LRATD1: variants seen among roughly 807,000 people sequenced by gnomAD.
LRATD1 encodes protein LRATD1.
LRATD1 carries 8 observed loss-of-function variants against 21.3 expected under a neutral mutation model. The ratio of observed to expected loss-of-function variants is 0.38; its 90% CI spans 0.22 to 0.68. The LOEUF (loss-of-function observed/expected upper bound fraction) is 0.68. LRATD1 is among the 30% of genes least tolerant of loss of function. LRATD1 has a pLI of 0.54. For missense variants in LRATD1, 380 were observed against 404.0 expected, an observed-to-expected ratio of 0.94 and a Z score of 0.51; for synonymous variants, 210 against 186.2, an observed-to-expected ratio of 1.13 and a Z score of -1.04.
In LRATD1 at chr2:14,635,865, A is replaced by G. The variant is rs1671678416; in HGVS notation, c.*1007A>G. 8.8e-6 allele frequency: 3 copies of G among 341,866 alleles called. No individual in the cohort carries two copies. Among genetic ancestry groups the G allele is most frequent in the Non-Finnish European group, 1.8e-5 (3 of 163,978 alleles). 21.2% of individuals were successfully genotyped at this position (341,866 alleles called of 1,614,324 possible). ...GCATTGTTACAACACCATAGCCAGTATATTTAGTTTGGCTTTTCCTAACAT... is the reference window on the plus strand; with the variant it reads ...GCATTGTTACAACACCATAGCCAGTGTATTTAGTTTGGCTTTTCCTAACAT... On this transcript the variant is annotated 3_prime_UTR_variant, in exon 2 of 2. Coordinates refer to ENST00000295092, the MANE Select transcript of LRATD1 (RefSeq NM_145175.4).
Position 14,634,707 on chromosome 2 carries a change from A to G in LRATD1, c.728A>G (p.Tyr243Cys). 1 of 1,555,258 alleles carries G rather than the reference A, an allele frequency of 6.4e-7. No individual in the cohort carries two copies. Among genetic ancestry groups the G allele is most frequent in the Non-Finnish European group, 8.7e-7 (1 of 1,148,068 alleles). The change falls in exon 2 of 2, where the codon TAC becomes TGC. Residue 243 changes from tyrosine (Y) to cysteine (C), a missense_variant. Physicochemically the swap from Tyr to Cys is radical, Grantham distance 194. Transcript: ENST00000295092. ...GGCACGCAGCCCCCGCAGCAGCAGT[A>G]CTATCTCAAGGTGCACCTGGGAGAG... ...PAGTQPPQQQ[Y>C]YLKVHLGENK...
downstream of LRATD1, among the ~76,000 whole-genome samples, chr2:14,644,036 G>T (rs1322435565): frequency 1.3e-5 from 2 of 151,988 alleles, no homozygotes; most frequent in South Asian, 2.1e-4. Context: ...GTTGTATTTT[G>T]AAATTAATGT....
chr2:14,648,649 A>G lies in LRATD1; in HGVS notation n.437-667A>G, dbSNP rs532762356. On this transcript the variant is annotated intron_variant and non_coding_transcript_variant, in intron 4 of 5. Coordinates refer to the LRATD1 transcript ENST00000464947. ...ATAAGAATTAGAGGAGAAAAGCCAA[A>G]ATGGTAGAATTGTGAAAATGGTTTT... Among the ~76,000 whole-genome samples, 64 of 152,290 alleles carry G rather than the reference A, an allele frequency of 4.2e-4. 1 individual carries two copies. The highest frequency in any genetic ancestry group is 3.9e-3 in the South Asian group (19 of 4,826).
Position 14,639,596 on chromosome 2 carries a change from G to A in LRATD1, c.*4738G>A, listed in dbSNP as rs950198019. 6.0e-6 allele frequency: 1 copy of A among 167,098 alleles called. No individual in the cohort carries two copies. The highest frequency in any genetic ancestry group is 2.4e-5 in the African/African-American group (1 of 41,462). The allele number at this position is 167,098 out of a possible 1,614,324, so 10.4% of individuals were successfully genotyped here. On this transcript the variant is annotated 3_prime_UTR_variant, in exon 2 of 2. Coordinates refer to ENST00000295092, the MANE Select transcript of LRATD1 (RefSeq NM_145175.4). Reference sequence around the variant, plus strand: ...TGAACTCGAAATAGAAGAGGTTTAAGTATTTGAATAAGTTGGGAAAAAAAG... The same window carrying A: ...TGAACTCGAAATAGAAGAGGTTTAAATATTTGAATAAGTTGGGAAAAAAAG...
chr2:14,636,333 A>G lies in LRATD1; in HGVS notation c.*1475A>G, dbSNP rs1430663855. ...ATGTTTATTTTTTTCTCCATGTTGT[A>G]TATCATTACCATTTCACATACGCGT... On this transcript the variant is annotated 3_prime_UTR_variant, in exon 2 of 2. Coordinates refer to ENST00000295092, the MANE Select transcript of LRATD1 (RefSeq NM_145175.4). 6.0e-6 allele frequency: 1 copy of G among 167,104 alleles called. No homozygotes were observed. Among genetic ancestry groups the G allele is most frequent in the East Asian group, 1.9e-4 (1 of 5,196 alleles). The allele number at this position is 167,104 out of a possible 1,614,324, so 10.4% of individuals were successfully genotyped here. A position where few individuals can be genotyped will look rare whatever the true frequency, so the allele number is the denominator to read the frequency against.
chr2:14,635,225 C>T lies in LRATD1; in HGVS notation c.*367C>T, dbSNP rs1483860497. On this transcript the variant is annotated 3_prime_UTR_variant, in exon 2 of 2. Transcript: ENST00000295092. ...TCCATGGCCAGTGACTGTGGCCCGA[C>T]TCGAAAACAACCCTCTTCTCAAAAG... is the stretch of plus-strand genomic sequence containing the variant. The T allele has an allele frequency of 1.1e-5, 6 of 563,746 alleles. 1 individual carries two copies. Among genetic ancestry groups the T allele is most frequent in the South Asian group, 4.6e-5 (3 of 65,382 alleles). 34.9% of individuals were successfully genotyped at this position (563,746 alleles called of 1,614,324 possible).
rs1254075259 is a variant in LRATD1 at position 14,634,164 on chromosome 2, C to G, written c.185C>G (p.Thr62Ser). ...KFGVKAPPGC[T>S]PCPESPSRHH... Reference sequence around the variant, plus strand: ...GGCGTGAAGGCCCCCCCGGGTTGCACCCCCTGCCCGGAGAGCCCCAGCCGC... The same window carrying G: ...GGCGTGAAGGCCCCCCCGGGTTGCAGCCCCTGCCCGGAGAGCCCCAGCCGC... The change falls in exon 2 of 2, where the codon ACC becomes AGC. Residue 62 changes from threonine (T) to serine (S), a missense_variant. Coordinates refer to ENST00000295092, the MANE Select transcript of LRATD1 (RefSeq NM_145175.4). 6.2e-7 allele frequency: 1 copy of G among 1,613,644 alleles called. No homozygotes were observed. Among genetic ancestry groups the G allele is most frequent in the Non-Finnish European group, 8.5e-7 (1 of 1,179,948 alleles).
intron 4 of LRATD1, among the ~76,000 whole-genome samples, chr2:14,647,124 G>A (rs975360887): frequency 3.9e-5 from 6 of 152,178 alleles, no homozygotes; most frequent in Non-Finnish European, 8.8e-5. Context: ...GGATGAAGCT[G>A]ACTAAATGTC....
downstream of LRATD1, among the ~76,000 whole-genome samples, chr2:14,651,767 T>G (rs777769218): frequency 2.0e-5 from 3 of 152,032 alleles, no homozygotes; most frequent in Admixed American, 2.0e-4. Flanking sequence ...TAAATATTAA[T>G]AATGTATTTT....
rs750822633 is a variant in LRATD1 at position 14,634,060 on chromosome 2, C to T, written c.81C>T (p.Asp27=). The T allele has an allele frequency of 4.3e-6, 7 of 1,614,018 alleles. No homozygotes were observed. In the Admixed American group the frequency reaches 1.0e-4, roughly 23 times the overall value. Residue 27 remains aspartate, a synonymous_variant, in exon 2 of 2, where the codon GAC becomes GAT. Transcript: ENST00000295092. ...GGGACCCGTCGGGGATTGAAAAGGA[C>T]GAACTGCGGGTCGGGGTTGCCTACT... ...PTGDPSGIEK[D]ELRVGVAYFF...
At position 14,637,980 on chromosome 2, in the gene LRATD1, T is replaced by A. The variant is rs1340341630; in HGVS notation, c.*3122T>A. On this transcript the variant is annotated 3_prime_UTR_variant, in exon 2 of 2. Transcript: ENST00000295092. Reference sequence around the variant, plus strand: ...GTGGCTAAGCTGGGGATTGGTTCTGTTCCCCCTGCTCCCGTGTAGAGAAAA... The same window carrying A: ...GTGGCTAAGCTGGGGATTGGTTCTGATCCCCCTGCTCCCGTGTAGAGAAAA... The A allele has an allele frequency of 4.2e-5, 7 of 167,020 alleles. No individual in the cohort carries two copies. Among genetic ancestry groups the A allele is most frequent in the African/African-American group, 1.7e-4 (7 of 41,428 alleles). The allele number at this position is 167,020 out of a possible 1,614,324, so 10.3% of individuals were successfully genotyped here. A position where few individuals can be genotyped will look rare whatever the true frequency, so the allele number is the denominator to read the frequency against.
chr2:14,646,758 C>T (rs1671903129), intron 4 of LRATD1, among the ~76,000 whole-genome samples: 1 of 152,148 alleles, frequency 6.6e-6, no homozygotes, highest in African/African-American at 2.4e-5. Flanking sequence ...GATGAAGGAC[C>T]TATTTACACA....
intron 4 of LRATD1, among the ~76,000 whole-genome samples, chr2:14,647,976 G>A (rs958844658): frequency 4.6e-5 from 7 of 152,004 alleles, no homozygotes; most frequent in South Asian, 2.1e-4. Flanking sequence ...TTGCACTCTC[G>A]TCTATGTTCA....
At chr2:14,651,517 G>A (rs1356303180), downstream of LRATD1, among the ~76,000 whole-genome samples, 1 of 152,122 alleles carries the variant, frequency 6.6e-6, no homozygotes, top group African/African-American at 2.4e-5. Flanking sequence ...CTGTGCATAT[G>A]AGTCTCTGTA....
chr2:14,646,183 G>A (rs999390832), exon 3 of LRATD1: 3 of 152,120 alleles, frequency 2.0e-5, no homozygotes, highest in Non-Finnish European at 4.4e-5. Context: ...TAATGAAGAT[G>A]AGCTCTTAAT....
In LRATD1 at chr2:14,633,030, G is replaced by A. The variant is rs747432848; in HGVS notation, c.-37+93G>A. ...TGGGTAGGAGGGAGAGGGGTCTTTGGGCTAAAAGTGAACCTCTCTACACAC... is the reference window on the plus strand; with the variant it reads ...TGGGTAGGAGGGAGAGGGGTCTTTGAGCTAAAAGTGAACCTCTCTACACAC... On this transcript the variant is annotated intron_variant, in intron 1 of 1. Coordinates refer to ENST00000295092, the MANE Select transcript of LRATD1 (RefSeq NM_145175.4). This position sits in a 1 kb window ranked among gnomAD's most constrained non-coding sequence, Gnocchi z 7.5. 1 of 152,310 alleles carries A rather than the reference G, an allele frequency of 6.6e-6. No individual in the cohort carries two copies. Among genetic ancestry groups the A allele is most frequent in the Admixed American group, 6.6e-5 (1 of 15,266 alleles). 9.4% of individuals were successfully genotyped at this position (152,310 alleles called of 1,614,324 possible). A position where few individuals can be genotyped will look rare whatever the true frequency, so the allele number is the denominator to read the frequency against.
At chr2:14,642,649 G>A (rs1572301421), downstream of LRATD1, among the ~76,000 whole-genome samples, 1 of 151,496 alleles carries the variant, frequency 6.6e-6, no homozygotes, top group Non-Finnish European at 1.5e-5. Context: ...GCATGTATGG[G>A]GTCGGGGGGT....
chr2:14,644,126 A>G (rs1326375455), downstream of LRATD1, among the ~76,000 whole-genome samples: 5 of 151,968 alleles, frequency 3.3e-5, no homozygotes, highest in Non-Finnish European at 7.4e-5. Context: ...TCACGTGGAT[A>G]CAAAGCATAG....
At position 14,633,238 on chromosome 2, in the gene LRATD1, CG is replaced by C. The variant is rs1230559846; in HGVS notation, c.-37+304del. ...ACCTGCCTGTGAGGGCAGGTGTGCC[CG>C]GGTGCTTGGGCGTACGTGCAACGGC... On this transcript the variant is annotated intron_variant, in intron 1 of 1. Transcript: ENST00000295092. The surrounding 1 kb of genome is among the most constrained non-coding windows in gnomAD (Gnocchi z 7.5). Among the ~76,000 whole-genome samples, 1 of 152,146 alleles carries C rather than the reference CG, an allele frequency of 6.6e-6. No homozygotes were observed. Among genetic ancestry groups the C allele is most frequent in the Admixed American group, 6.5e-5 (1 of 15,284 alleles).
Sources: allele counts gnomAD v4.1 joint callset (sites outside exome capture counted in the v4.1 genomes callset), GRCh38; gene constraint gnomAD v4.1.1; non-coding constraint Gnocchi (gnomAD v3.1); transcripts MANE v1.5; gene names NCBI Gene and HGNC (gene_info 2026-07-23, HGNC 2026-07-21).